LIPM: variants seen among roughly 807,000 people sequenced by gnomAD.
The protein encoded by LIPM is lipase family member M, also known as lipase member M.
Under a neutral mutation model 42.4 loss-of-function variants are expected in LIPM, and 42 were observed. The ratio of observed to expected loss-of-function variants is 0.99; its 90% CI spans 0.77 to 1.28. The LOEUF (loss-of-function observed/expected upper bound fraction) is 1.28, where lower values mean the gene tolerates loss of function less well. Among genes scored for constraint, LIPM ranks in the 50% most tolerant of loss-of-function variants. LIPM has a pLI of 0.00. For synonymous variants in LIPM, 177 were observed against 173.3 expected, an observed-to-expected ratio of 1.02 and a Z score of -0.17; for missense variants, 524 against 520.1, an observed-to-expected ratio of 1.01 and a Z score of -0.07.
chr10:88,816,679 T>G, intron 6 of LIPM, 137 bp from the exon 7 acceptor site: 1 of 617,692 alleles, frequency 1.6e-6, no homozygotes, highest in Non-Finnish European at 3.0e-6. Flanking sequence ...ATGTACATAT[T>G]TTTGTTTCAT....
chr10:88,815,459 A>G lies in LIPM; in HGVS notation c.814A>G (p.Ile272Val), dbSNP rs894948265. The G allele has an allele frequency of 1.9e-6, 3 of 1,551,418 alleles. No homozygotes were observed. The African/African-American group carries it at 4.1e-5, about 21-fold the overall frequency. The change falls in exon 6 of 9, where the codon ATC (isoleucine) becomes GTC (valine). Residue 272 changes from isoleucine (I) to valine (V), a missense_variant. Coordinates refer to ENST00000404743, the MANE Select transcript of LIPM (RefSeq NM_001128215.1). ...GATTCTTGATCAGATTTGTAGTAAT[A>G]TCATGTTACTTCTGGGTGGATTCAA... Reference protein sequence around the residue: ...QVILDQICSNIMLLLGGFNTN... With the variant: ...QVILDQICSNVMLLLGGFNTN...
chr10:88,813,125 T>C lies in LIPM; in HGVS notation c.294T>C (p.His98=), dbSNP rs745648249. The C allele has an allele frequency of 7.5e-6, 12 of 1,604,534 alleles. No individual in the cohort carries two copies. The highest frequency in any genetic ancestry group is 1.6e-4 in the Middle Eastern group (1 of 6,070). The change falls in exon 3 of 9, where the codon CAT becomes CAC. Residue 98 remains histidine, a synonymous_variant. Transcript: ENST00000404743. ...TGSRPVVLLQ[H]GLVGGASNWI... ...CCAGGCCTGTGGTGTTACTGCAGCATGGCCTAGTTGGAGGTGCTAGCAACT... is the reference window on the plus strand; with the variant it reads ...CCAGGCCTGTGGTGTTACTGCAGCACGGCCTAGTTGGAGGTGCTAGCAACT...
rs1231379290 is a variant in LIPM at position 88,802,919 on chromosome 10, A to G, written c.23A>G (p.Gln8Arg). The G allele has an allele frequency of 6.5e-6, 10 of 1,549,446 alleles. No homozygotes were observed. The highest frequency in any genetic ancestry group is 8.7e-6 in the Non-Finnish European group (10 of 1,146,228). ...ACCATGTTGGAAACCTTGTCAAGAC[A>G]GTGGATTGTCTCACACAGAATGGAA... The part of the protein sequence containing the change: MLETLSR[Q>R]WIVSHRMEMW... Residue 8 changes from glutamine to arginine, a missense_variant, in exon 1 of 9, where the codon CAG (glutamine) becomes CGG (arginine). By Grantham distance (43) the Gln-to-Arg change is conservative (BLOSUM62 1). Coordinates refer to ENST00000404743, the MANE Select transcript of LIPM (RefSeq NM_001128215.1).
At chr10:88,818,633 A>G (rs1407735703) in intron 8 of LIPM, among the ~76,000 whole-genome samples, 2 of 152,210 alleles carry the variant, frequency 1.3e-5, no homozygotes, top group Non-Finnish European at 2.9e-5. Flanking sequence ...ATAAATATTT[A>G]CCATAGAAAC....
At chr10:88,817,984 G>T in intron 8 of LIPM, 88 bp downstream of exon 8, 1 of 1,024,326 alleles carries the variant, frequency 9.8e-7, no homozygotes, top group South Asian at 1.4e-5. Flanking sequence ...TCTAGATATG[G>T]GAATAAAATA....
At chr10:88,820,191 C>A in intron 8 of LIPM, 41 bp from the exon 9 acceptor site, 1 of 1,482,236 alleles carries the variant, frequency 6.7e-7, no homozygotes, top group Middle Eastern at 1.7e-4. Flanking sequence ...GCCTGAAAGT[C>A]CAAATGTTAC....
intron 2 of LIPM, among the ~76,000 whole-genome samples, chr10:88,809,277 A>T (rs908004456): frequency 6.6e-6 from 1 of 152,148 alleles, no homozygotes; most frequent in Admixed American, 6.5e-5. Flanking sequence ...TAAATGTTTG[A>T]TACATGTCTC....
intron 3 of LIPM, 65 bp from the exon 4 acceptor site, chr10:88,814,465 C>A (rs303524): frequency 7.4e-6 from 8 of 1,085,714 alleles, no homozygotes; most frequent in South Asian, 1.4e-5. Flanking sequence ...AACCTGGTGT[C>A]GGGGGGAGCT....
intron 1 of LIPM, among the ~76,000 whole-genome samples, chr10:88,804,438 C>T (rs189232007): frequency 5.3e-5 from 8 of 152,236 alleles, no homozygotes; most frequent in East Asian, 3.9e-4. Context: ...AAAATTCGTA[C>T]GATTGGTGTA....
chr10:88,815,184 C>T lies in LIPM; in HGVS notation c.671C>T (p.Pro224Leu), dbSNP rs764773607. The change falls in exon 5 of 9, where the codon CCC (proline) becomes CTC (leucine). Residue 224 changes from proline (P) to leucine (L), a missense_variant. By Grantham distance (98) the Pro-to-Leu change is moderately conservative. Transcript: ENST00000404743. ...PIATVKHAKS[P>L]GTKFLLLPDM... ...GCCACTGTTAAGCATGCAAAAAGCCCCGGGACCAAATTTTTGTTGCTGCCA... is the reference window on the plus strand; with the variant it reads ...GCCACTGTTAAGCATGCAAAAAGCCTCGGGACCAAATTTTTGTTGCTGCCA... 168 of 1,551,740 alleles carry T rather than the reference C, an allele frequency of 1.1e-4. No homozygotes were observed. The highest frequency in any genetic ancestry group is 1.3e-4 in the Non-Finnish European group (146 of 1,147,008).
chr10:88,816,738 C>T (rs1266742449), intron 6 of LIPM, 78 bp from the exon 7 acceptor site: 3 of 887,074 alleles, frequency 3.4e-6, no homozygotes, highest in African/African-American at 1.7e-5. Flanking sequence ...AGTCTGACAC[C>T]CTGGAGATTT....
Position 88,813,942 on chromosome 10 carries a change from T to C in LIPM, c.465-588T>C, listed in dbSNP as rs1016558667. ...AGCACAGGGGAAACCACTCCCATGATTCAACTACCTCCACCTGGTCTCTCC... is the reference window on the plus strand; with the variant it reads ...AGCACAGGGGAAACCACTCCCATGACTCAACTACCTCCACCTGGTCTCTCC... On this transcript the variant is annotated intron_variant, in intron 3 of 8. Transcript: ENST00000404743. Among the ~76,000 whole-genome samples, 6 of 152,266 alleles carry C rather than the reference T, an allele frequency of 3.9e-5. No individual in the cohort carries two copies. The East Asian group carries it at 1.2e-3, about 29-fold the overall frequency.
Position 88,813,103 on chromosome 10 carries a change from G to T in LIPM, c.272G>T (p.Arg91Met). The T allele has an allele frequency of 1.3e-6, 2 of 1,589,328 alleles. No homozygotes were observed. The highest frequency in any genetic ancestry group is 1.7e-6 in the Non-Finnish European group (2 of 1,167,104). Residue 91 changes from arginine (R) to methionine (M), a missense_variant, in exon 3 of 9, where the codon AGG (arginine) becomes ATG (methionine). Arg to Met is a moderately conservative substitution (Grantham distance 91). Transcript: ENST00000404743. ...AAATTTTCTCTTTTTGCAGGTTCCA[G>T]GCCTGTGGTGTTACTGCAGCATGGC... ...GLVQPKKTGS[R>M]PVVLLQHGLV...
At chr10:88,813,010 T>C in intron 2 of LIPM, 87 bp from the exon 3 acceptor site, 12 of 1,125,280 alleles carry the variant, frequency 1.1e-5, no homozygotes, top group Middle Eastern at 5.5e-4. Flanking sequence ...GAACACAGGT[T>C]TGTTTGATTT....
chr10:88,803,166 A>G (rs1843548212), intron 1 of LIPM, 123 bp downstream of exon 1: 1 of 1,095,030 alleles, frequency 9.1e-7, no homozygotes, highest in Non-Finnish European at 1.3e-6. Flanking sequence ...ATAGTGATGA[A>G]GTAGCAAATT....
intron 8 of LIPM, 57 bp downstream of exon 8, chr10:88,817,953 G>A: frequency 7.8e-7 from 1 of 1,280,628 alleles, no homozygotes. Context: ...GTATGACAGG[G>A]ACGTTATAAT....
At chr10:88,804,108 T>G (rs1441748297) in intron 1 of LIPM, among the ~76,000 whole-genome samples, 1 of 152,224 alleles carries the variant, frequency 6.6e-6, no homozygotes, top group Non-Finnish European at 1.5e-5. Flanking sequence ...AATAGAAATA[T>G]TCTGTATCTG....
At position 88,820,286 on chromosome 10, in the gene LIPM, A is replaced by G. The variant is rs1457221086; in HGVS notation, c.1057A>G (p.Thr353Ala). Residue 353 changes from threonine to alanine, a missense_variant, in exon 9 of 9, where the codon ACA (threonine) becomes GCA (alanine). Physicochemically the swap from Thr to Ala is moderately conservative, Grantham distance 58. Coordinates refer to ENST00000404743, the MANE Select transcript of LIPM (RefSeq NM_001128215.1). ...TATGACGGTCCCTACAGCAATGTGGACAGGAGGTCAGGACTGGCTTTCAAA... is the reference window on the plus strand; with the variant it reads ...TATGACGGTCCCTACAGCAATGTGGGCAGGAGGTCAGGACTGGCTTTCAAA... ...RDMTVPTAMW[T>A]GGQDWLSNPE... The G allele has an allele frequency of 2.6e-6, 4 of 1,551,926 alleles. No individual in the cohort carries two copies. Among genetic ancestry groups the G allele is most frequent in the Non-Finnish European group, 3.5e-6 (4 of 1,147,078 alleles).
chr10:88,811,379 T>C (rs147493851), intron 2 of LIPM, among the ~76,000 whole-genome samples: 51 of 152,328 alleles, frequency 3.3e-4, no homozygotes, highest in Non-Finnish European at 6.9e-4. Context: ...TGTTTTTTAC[T>C]GCAGGCTTCT....
Sources: gnomAD v4.1 joint callset for allele counts (sites outside exome capture counted in the v4.1 genomes callset) on GRCh38, gnomAD v4.1.1 for gene constraint, MANE v1.5 for transcripts, NCBI Gene and HGNC (gene_info 2026-07-23, HGNC 2026-07-21) for gene names.